Variants in KCTD6 observed in about 807,000 individuals in gnomAD.
The protein encoded by KCTD6 is BTB/POZ domain-containing protein KCTD6.
In KCTD6, 6 loss-of-function variants were observed where a neutral mutation model predicts 18.7. The ratio of observed to expected loss-of-function variants is 0.32; its 90% CI spans 0.18 to 0.63. The LOEUF is 0.63. Ranked by LOEUF, KCTD6 falls within the 30% of genes least tolerant of loss-of-function variation. The pLI, the probability that KCTD6 is intolerant of heterozygous loss-of-function variation, is 0.79. For synonymous variants in KCTD6, 86 were observed against 108.5 expected, an observed-to-expected ratio of 0.79 and a Z score of 1.29; for missense variants, 165 against 300.2, an observed-to-expected ratio of 0.55 and a Z score of 3.33.
rs903784951 is a variant in KCTD6, at chr3:58,492,766, A to G, written c.-44+597A>G. Reference sequence around the variant, plus strand: ...TTGATGTCAGAGGTGATAAATGGCCATGGTAATGGGGAGCCCTGGCAGCAC... The same window carrying G: ...TTGATGTCAGAGGTGATAAATGGCCGTGGTAATGGGGAGCCCTGGCAGCAC... On this transcript the variant is annotated intron_variant, in intron 1 of 2. Transcript: ENST00000404589. This position sits in a 1 kb window ranked among gnomAD's most constrained non-coding sequence, Gnocchi z 6.1. Among the ~76,000 whole-genome samples, 20 of 152,022 alleles carry G rather than the reference A, an allele frequency of 1.3e-4. No individual in the cohort carries two copies. The highest frequency in any genetic ancestry group is 4.6e-4 in the African/African-American group (19 of 41,400).
rs759359652 is a variant in KCTD6, at chr3:58,501,383, C to T, written c.465C>T (p.Gly155=). Residue 155 remains glycine, a synonymous_variant, in exon 3 of 3, where the codon GGC becomes GGT. Coordinates refer to ENST00000404589, the MANE Select transcript of KCTD6 (RefSeq NM_001128214.2). This position sits in a 1 kb window ranked among gnomAD's most constrained non-coding sequence, Gnocchi z 9.7. ...ITTKVHSLLE[G]ISNYFTKWNK... is the part of the protein sequence containing the mutation. ...CTAAGGTCCATTCCTTACTAGAAGGCATCTCAAATTATTTTACCAAGTGGA... is the reference window on the plus strand; with the variant it reads ...CTAAGGTCCATTCCTTACTAGAAGGTATCTCAAATTATTTTACCAAGTGGA... The T allele has an allele frequency of 5.1e-6, 8 of 1,582,624 alleles. No homozygotes were observed. Among genetic ancestry groups the T allele is most frequent in the Middle Eastern group, 1.7e-4 (1 of 5,894 alleles).
intron 2 of KCTD6, among the ~76,000 whole-genome samples, chr3:58,499,326 G>A (rs192110355): frequency 3.3e-5 from 5 of 152,194 alleles, no homozygotes; most frequent in Admixed American, 6.5e-5. Context: ...GTGTTGCTCT[G>A]AAGACTCTTT....
At chr3:58,500,146 C>T (rs904582962) in intron 2 of KCTD6, among the ~76,000 whole-genome samples, 5 of 151,026 alleles carry the variant, frequency 3.3e-5, no homozygotes, top group African/African-American at 1.2e-4. Flanking sequence ...GACAAAATCT[C>T]TCTGTGTCGC....
At chr3:58,499,445 T>G (rs1450789760) in intron 2 of KCTD6, among the ~76,000 whole-genome samples, 2 of 152,152 alleles carry the variant, frequency 1.3e-5, no homozygotes, top group Non-Finnish European at 2.9e-5. Flanking sequence ...TTGCATTTTT[T>G]GTGTGTGCAT....
At chr3:58,500,403 G>C (rs570990034) in intron 2 of KCTD6, 1 of 151,638 alleles carries the variant, frequency 6.6e-6, no homozygotes, top group Non-Finnish European at 1.5e-5. Context: ...TAGGATTACA[G>C]GTATGAGCCA....
In KCTD6 at chr3:58,498,461, A is replaced by G; in HGVS notation, c.-43-252A>G. ...GACTCTTCCTCCTTCTCTTAAGTAC[A>G]GTATAGTTCTTTCTCTGAAAATCTT... On this transcript the variant is annotated intron_variant, in intron 1 of 2. Transcript: ENST00000404589. The surrounding 1 kb of genome is among the most constrained non-coding windows in gnomAD (Gnocchi z 4.6). The G allele has an allele frequency of 2.6e-6, 1 of 377,718 alleles. No homozygotes were observed. The highest frequency in any genetic ancestry group is 4.7e-6 in the Non-Finnish European group (1 of 214,676). The allele number at this position is 377,718 out of a possible 1,614,324, so 23.4% of individuals were successfully genotyped here.
chr3:58,501,686 T>A lies in KCTD6; in HGVS notation c.*54T>A. The A allele has an allele frequency of 8.5e-7, 1 of 1,177,084 alleles. No homozygotes were observed. Among genetic ancestry groups the A allele is most frequent in the Non-Finnish European group, 1.1e-6 (1 of 912,438 alleles). The allele number at this position is 1,177,084 out of a possible 1,614,324, so 72.9% of individuals were successfully genotyped here. ...AGACTCTCCAGGAAATGGAAGATACTGATTTTTTTTTTTAAATCACAGTGT... is the reference window on the plus strand; with the variant it reads ...AGACTCTCCAGGAAATGGAAGATACAGATTTTTTTTTTTAAATCACAGTGT... On this transcript the variant is annotated 3_prime_UTR_variant, in exon 3 of 3. Transcript: ENST00000404589. This position sits in a 1 kb window ranked among gnomAD's most constrained non-coding sequence, Gnocchi z 9.7.
Position 58,494,696 on chromosome 3 carries a change from G to A in KCTD6, c.-44+2527G>A, listed in dbSNP as rs185750516. ...CTGTAATTGCAATTCTGCAGTGATA[G>A]GGAGAATGGCATTTAAGGGTTCTTA... On this transcript the variant is annotated intron_variant, in intron 1 of 2. Transcript: ENST00000404589. Among the ~76,000 whole-genome samples the A allele has an allele frequency of 2.6e-5, 4 of 152,288 alleles. No individual in the cohort carries two copies. In the East Asian group the frequency reaches 7.7e-4, roughly 29 times the overall value.
At chr3:58,500,488 A>G (rs1395297311) in intron 2 of KCTD6, 1 of 152,342 alleles carries the variant, frequency 6.6e-6, no homozygotes, top group African/African-American at 2.4e-5. Flanking sequence ...GGAGAAACCA[A>G]AGAAATATTG....
At chr3:58,495,247 C>CT (rs2063170651) in intron 1 of KCTD6, among the ~76,000 whole-genome samples, 1 of 152,126 alleles carries the variant, frequency 6.6e-6, no homozygotes, top group Non-Finnish European at 1.5e-5. Flanking sequence ...TGCTGCCTGT[C>CT]TTGTGGTCAT....
In KCTD6 at chr3:58,493,260, T is replaced by C. The variant is rs752688386; in HGVS notation, c.-44+1091T>C. On this transcript the variant is annotated intron_variant, in intron 1 of 2. Transcript: ENST00000404589. This position sits in a 1 kb window ranked among gnomAD's most constrained non-coding sequence, Gnocchi z 4.5. ...GGCCGAAACCATCAGTCCATACTGA[T>C]ACTTGATTTTGTGCTATGCCTTAGA... Among the ~76,000 whole-genome samples, 36 of 152,378 alleles carry C rather than the reference T, an allele frequency of 2.4e-4. No homozygotes were observed. The highest frequency in any genetic ancestry group is 3.8e-4 in the Non-Finnish European group (26 of 68,030).
intron 2 of KCTD6, chr3:58,500,278 A>ATTTTTTTTT (rs66715551): frequency 5.9e-5 from 7 of 119,126 alleles, no homozygotes; most frequent in Admixed American, 1.8e-4. Flanking sequence ...CACCCAGTGA[A>ATTTTTTTTT]TTTTTTTTTT....
chr3:58,499,316 G>A (rs1411584175), intron 2 of KCTD6, among the ~76,000 whole-genome samples: 3 of 152,106 alleles, frequency 2.0e-5, no homozygotes, highest in Non-Finnish European at 2.9e-5. Context: ...TTTTTCAAGT[G>A]TGTTGCTCTG....
rs115901286 is a variant in KCTD6 at position 58,494,714 on chromosome 3, G to C, written c.-44+2545G>C. 6.9e-3 allele frequency among the ~76,000 whole-genome samples: 1,054 copies of C among 152,122 alleles called. 11 individuals carry two copies. The highest frequency in any genetic ancestry group is 0.024 in the African/African-American group (1,008 of 41,504). On this transcript the variant is annotated intron_variant, in intron 1 of 2. Coordinates refer to ENST00000404589, the MANE Select transcript of KCTD6 (RefSeq NM_001128214.2). ...AGTGATAGGGAGAATGGCATTTAAG[G>C]GTTCTTAGGTTATTTTTTTAAGTTA...
chr3:58,498,343 T>C lies in KCTD6; in HGVS notation c.-43-370T>C, dbSNP rs1476910987. ...ATTATAGGTTTGTACCAGGATAAGGTTGTAGAGTTAATCATAATATTCTCT... is the reference window on the plus strand; with the variant it reads ...ATTATAGGTTTGTACCAGGATAAGGCTGTAGAGTTAATCATAATATTCTCT... On this transcript the variant is annotated intron_variant, in intron 1 of 2. Transcript: ENST00000404589. This position sits in a 1 kb window ranked among gnomAD's most constrained non-coding sequence, Gnocchi z 4.6. 3 of 166,732 alleles carry C rather than the reference T, an allele frequency of 1.8e-5. No individual in the cohort carries two copies. In the Admixed American group the frequency reaches 1.9e-4, roughly 11 times the overall value. The allele number at this position is 166,732 out of a possible 1,614,324, so 10.3% of individuals were successfully genotyped here.
At position 58,495,872 on chromosome 3, in the gene KCTD6, AT is replaced by A. The variant is rs78140499; in HGVS notation, c.-43-2822del. ...GGAACAGATTCAGGGACATCGTCTA[AT>A]TTTTTTTTTTTTTTTTTTAGATAAC... On this transcript the variant is annotated intron_variant, in intron 1 of 2. Coordinates refer to ENST00000404589, the MANE Select transcript of KCTD6 (RefSeq NM_001128214.2). Among the ~76,000 whole-genome samples, 781 of 136,304 alleles carry A rather than the reference AT, an allele frequency of 5.7e-3. 4 individuals are homozygous for A. The highest frequency in any genetic ancestry group is 0.012 in the African/African-American group (448 of 37,096). The allele number at this position is 136,304 out of a possible 152,430, so 89.4% of individuals were successfully genotyped here.
rs1388968584 is a variant in KCTD6 at position 58,498,760 on chromosome 3, A to T, written c.5A>T (p.Asp2Val). The T allele has an allele frequency of 6.2e-7, 1 of 1,612,660 alleles. No individual in the cohort carries two copies. The stretch of plus-strand genomic sequence containing the variant: ...GAAGACGCATCACTGGAGCAGATGG[A>T]TAATGGAGACTGGGGCTATATGGTG... M[D>V]NGDWGYMMTD... is the part of the protein sequence containing the mutation. Residue 2 changes from aspartate (D) to valine (V), a missense_variant, in exon 2 of 3, where the codon GAT becomes GTT. This residue lies in a region of KCTD6 where 59 missense variants were observed against 69.9 expected (regional missense o/e 0.84). Coordinates refer to ENST00000404589, the MANE Select transcript of KCTD6 (RefSeq NM_001128214.2). This position sits in a 1 kb window ranked among gnomAD's most constrained non-coding sequence, Gnocchi z 4.6.
rs758769322 is a variant in KCTD6, at chr3:58,496,095, A to G, written c.-43-2618A>G. On this transcript the variant is annotated intron_variant, in intron 1 of 2. Transcript: ENST00000404589. This position sits in a 1 kb window ranked among gnomAD's most constrained non-coding sequence, Gnocchi z 5.1. ...CACTACAGACAGGACAGCAACCGTT[A>G]TTCACACTAGTTGAATGGGTTCCTG... Among the ~76,000 whole-genome samples, 70 of 149,450 alleles carry G rather than the reference A, an allele frequency of 4.7e-4. 2 individuals are homozygous for G. The highest frequency in any genetic ancestry group is 8.3e-4 in the Non-Finnish European group (56 of 67,606).
chr3:58,500,975 TG>T lies in KCTD6; in HGVS notation c.59del (p.Gly20AspfsTer11). On this transcript the variant is annotated frameshift_variant, in exon 3 of 3. Coordinates refer to ENST00000404589, the MANE Select transcript of KCTD6 (RefSeq NM_001128214.2). LOFTEE classifies it high-confidence loss of function. ...MTDPVTLNVG[G>X]HLYTTSLTTL... ...CTGACCCAGTCACATTAAATGTAGGTGGACACTTGTATACAACGTCTCTCAC... is the reference window on the plus strand; with the variant it reads ...CTGACCCAGTCACATTAAATGTAGGTGACACTTGTATACAACGTCTCTCAC... 6.3e-7 allele frequency: 1 copy of T among 1,585,132 alleles called. No homozygotes were observed. The highest frequency in any genetic ancestry group is 8.6e-7 in the Non-Finnish European group (1 of 1,165,610).
Sources: allele counts gnomAD v4.1 joint callset (sites outside exome capture counted in the v4.1 genomes callset), GRCh38; gene constraint gnomAD v4.1.1; regional missense constraint gnomAD v4.1.1; non-coding constraint Gnocchi (gnomAD v3.1); transcripts MANE v1.5; gene names NCBI Gene and HGNC (gene_info 2026-07-23, HGNC 2026-07-21).